Variants in C3orf33 observed in about 807,000 individuals in gnomAD.
C3orf33 encodes the protein mitochondrial inner membrane subdomain organizer 1.
C3orf33 carries 23 observed loss-of-function variants against 28.7 expected under a neutral mutation model. The ratio of observed to expected loss-of-function variants is 0.80; its 90% CI spans 0.58 to 1.13. The LOEUF (loss-of-function observed/expected upper bound fraction) is 1.13. Among genes scored for constraint, C3orf33 ranks in the 50% most tolerant of loss-of-function variants. C3orf33 has a pLI of 0.00. For missense variants in C3orf33, 327 were observed against 353.4 expected (o/e 0.93, Z 0.60); for synonymous variants, 119 against 120.5 (o/e 0.99, Z 0.08).
Position 155,767,509 on chromosome 3 carries a change from C to T in C3orf33, c.483G>A (p.Lys161=). The change falls in exon 4 of 5, where the codon AAG becomes AAA. Residue 161 remains lysine (K), a splice_region_variant and synonymous_variant. Coordinates refer to ENST00000340171, the MANE Select transcript of C3orf33 (RefSeq NM_001308229.2). ...CTAGTTATTTCTTCACATTGCTTAC[C>T]TTACTCACCAGAAGATAGCAAAAGA... ...SALFCYLLVS[K]GGYFSVNLNE... The T allele has an allele frequency of 1.3e-6, 2 of 1,536,638 alleles. No individual in the cohort carries two copies. Among genetic ancestry groups the T allele is most frequent in the South Asian group, 1.3e-5 (1 of 78,640 alleles).
At position 155,763,608 on chromosome 3, in the gene C3orf33, T is replaced by A; in HGVS notation, c.794A>T (p.Tyr265Phe). Reference sequence around the variant, plus strand: ...GTTCATGTTGTCTTTCCATATTTCATAAGTCCTTTTAAGTTTTTCATAATA... The same window carrying A: ...GTTCATGTTGTCTTTCCATATTTCAAAAGTCCTTTTAAGTTTTTCATAATA... ...ESYYEKLKRT[Y>F]EIWKDNMNNC... The change falls in exon 5 of 5, where the codon TAT (tyrosine) becomes TTT (phenylalanine). Residue 265 changes from tyrosine to phenylalanine, a missense_variant. Transcript: ENST00000340171. The A allele has an allele frequency of 1.3e-6, 2 of 1,591,460 alleles. No homozygotes were observed. The highest frequency in any genetic ancestry group is 2.4e-5 in the South Asian group (2 of 84,806).
chr3:155,804,556 T>C (rs1031319670), intron 1 of C3orf33, among the ~76,000 whole-genome samples: 1 of 152,238 alleles, frequency 6.6e-6, no homozygotes, highest in East Asian at 1.9e-4. Flanking sequence ...CTTTCCAGTA[T>C]TATTTTTTAA....
At chr3:155,794,538 T>C (rs750325830) in intron 2 of C3orf33, among the ~76,000 whole-genome samples, 7 of 151,886 alleles carry the variant, frequency 4.6e-5, no homozygotes, top group Non-Finnish European at 1.0e-4. Flanking sequence ...TCATTACTTA[T>C]CAATAATAAC....
At chr3:155,765,376 C>T (rs1423873380) in intron 4 of C3orf33, among the ~76,000 whole-genome samples, 4 of 152,182 alleles carry the variant, frequency 2.6e-5, no homozygotes, top group African/African-American at 9.7e-5. Context: ...CAGTGTCTGA[C>T]ACATGTTGAC....
chr3:155,778,175 A>T (rs1035069401), intron 2 of C3orf33, among the ~76,000 whole-genome samples: 9 of 146,070 alleles, frequency 6.2e-5, no homozygotes, highest in Non-Finnish European at 1.2e-4. Context: ...AAGTAGGGGT[A>T]ATATTCTTGA....
chr3:155,784,966 A>G (rs1751054453), intron 2 of C3orf33, among the ~76,000 whole-genome samples: 1 of 151,804 alleles, frequency 6.6e-6, no homozygotes, highest in South Asian at 2.1e-4. Flanking sequence ...TCATTCAACC[A>G]TATGCAGTCT....
chr3:155,793,828 C>CAA (rs1559998519), intron 2 of C3orf33, among the ~76,000 whole-genome samples: 4 of 96,976 alleles, frequency 4.1e-5, no homozygotes, highest in Non-Finnish European at 6.1e-5. Flanking sequence ...AAAAAAAAAA[C>CAA]TAAAAAAACT....
chr3:155,780,998 T>TACATGGTGAAGCTGCTGTTACTTGGGG, intron 2 of C3orf33, among the ~76,000 whole-genome samples: 1 of 150,378 alleles, frequency 6.6e-6, no homozygotes, highest in African/African-American at 2.5e-5. Context: ...ACTTCTTTTT[T>TACATGGTGAAGCTGCTGTTACTTGGGG]TTTTTTTTTT....
chr3:155,766,140 C>T (rs1750395956), intron 4 of C3orf33, among the ~76,000 whole-genome samples: 1 of 151,994 alleles, frequency 6.6e-6, no homozygotes, highest in Non-Finnish European at 1.5e-5. Flanking sequence ...GCGTTCCTCC[C>T]ACCTCAGCCT....
At chr3:155,775,664 A>G (rs1220764647) in intron 3 of C3orf33, 37 bp downstream of exon 3, 3 of 1,375,652 alleles carry the variant, frequency 2.2e-6, no homozygotes, top group Non-Finnish European at 3.0e-6. Context: ...AAAGAAGACC[A>G]CAATAGTTAG....
intron 1 of C3orf33, chr3:155,804,211 G>A: frequency 2.4e-6 from 1 of 425,484 alleles, no homozygotes; most frequent in Non-Finnish European, 4.7e-6. Context: ...TTGAAAATAT[G>A]CACAAAGGTA....
At chr3:155,769,660 G>A (rs1041629129) in intron 3 of C3orf33, among the ~76,000 whole-genome samples, 9 of 152,102 alleles carry the variant, frequency 5.9e-5, no homozygotes, top group African/African-American at 2.2e-4. Flanking sequence ...AAAATTCTGA[G>A]GTCCCTCTCC....
At chr3:155,793,292 C>T (rs1751369884) in intron 2 of C3orf33, among the ~76,000 whole-genome samples, 1 of 150,798 alleles carries the variant, frequency 6.6e-6, no homozygotes. Flanking sequence ...GAAATACTCT[C>T]CTAGACAAAC....
chr3:155,772,809 T>TGTGC (rs1377023306), intron 3 of C3orf33, among the ~76,000 whole-genome samples: 1 of 147,602 alleles, frequency 6.8e-6, no homozygotes, highest in Non-Finnish European at 1.5e-5. Flanking sequence ...TGTGTGTGTG[T>TGTGC]GTGCCTCCTC....
chr3:155,795,638 G>T (rs554781361), intron 2 of C3orf33, among the ~76,000 whole-genome samples: 8 of 152,082 alleles, frequency 5.3e-5, no homozygotes, highest in African/African-American at 1.9e-4. Context: ...GATTAAGAAA[G>T]AAATTTAAAA....
chr3:155,775,702 T>G lies in C3orf33; in HGVS notation c.321A>C (p.Arg107Ser). The change falls in exon 3 of 5, where the codon AGA becomes AGC. Residue 107 changes from arginine (R) to serine (S), a missense_variant and splice_region_variant. Transcript: ENST00000340171. ...PITLPIIASL[R>S]KEPRGALLVK... ...TCATTAATCTTGTACCTTACTTACT[T>G]CTCAATGAAGCTATAATAGGTAAAG... 1 of 1,523,142 alleles carries G rather than the reference T, an allele frequency of 6.6e-7. No homozygotes were observed. The highest frequency in any genetic ancestry group is 9.0e-7 in the Non-Finnish European group (1 of 1,115,652). The allele number at this position is 1,523,142 out of a possible 1,614,324, so 94.4% of individuals were successfully genotyped here. A position where few individuals can be genotyped will look rare whatever the true frequency, so the allele number is the denominator to read the frequency against.
chr3:155,772,508 A>G (rs1750620712), intron 3 of C3orf33, among the ~76,000 whole-genome samples: 1 of 152,114 alleles, frequency 6.6e-6, no homozygotes, highest in South Asian at 2.1e-4. Flanking sequence ...TGGATTCATG[A>G]CAATGTACAA....
In C3orf33 at chr3:155,806,191, T is replaced by A. The variant is rs569643608; in HGVS notation, c.62A>T (p.Asn21Ile). Residue 21 changes from asparagine to isoleucine, a missense_variant, in exon 1 of 5, where the codon AAC becomes ATC. By Grantham distance (149) the Asn-to-Ile change is moderately radical (BLOSUM62 -3). Coordinates refer to ENST00000340171, the MANE Select transcript of C3orf33 (RefSeq NM_001308229.2). The stretch of plus-strand genomic sequence containing the variant: ...CCACTGCGAGATCCGAGCCACGACG[T>A]TGGGCTCCATTCCGTCCTTGTCGGC... ...PSADKDGMEP[N>I]VVARISQWAD... 2.7e-6 allele frequency: 4 copies of A among 1,503,776 alleles called. No individual in the cohort carries two copies. The African/African-American group carries it at 4.2e-5, about 16-fold the overall frequency. The allele number at this position is 1,503,776 out of a possible 1,614,324, so 93.2% of individuals were successfully genotyped here.
intron 3 of C3orf33, among the ~76,000 whole-genome samples, chr3:155,774,510 T>C (rs1162512566): frequency 6.6e-6 from 1 of 152,096 alleles, no homozygotes; most frequent in African/African-American, 2.4e-5. Context: ...TGCTTTGATG[T>C]GAAGCAAGGA....
Sources: gnomAD v4.1 joint callset for allele counts (sites outside exome capture counted in the v4.1 genomes callset) on GRCh38, gnomAD v4.1.1 for gene constraint, MANE v1.5 for transcripts, NCBI Gene and HGNC (gene_info 2026-07-23, HGNC 2026-07-21) for gene names.